PDE4B: variants seen among roughly 807,000 people sequenced by gnomAD.
PDE4B encodes the protein 3',5'-cyclic-AMP phosphodiesterase 4B.
PDE4B carries 20 observed loss-of-function variants against 82.2 expected under a neutral mutation model. The ratio of observed to expected loss-of-function variants is 0.24; its 90% CI spans 0.17 to 0.35. The LOEUF is 0.35. PDE4B is among the 10% of genes least tolerant of loss of function. The probability of loss-of-function intolerance (pLI) is 1.00; values close to 1 mark genes in which losing one functional copy is unlikely to be tolerated. For synonymous variants in PDE4B, 320 were observed against 318.9 expected, an observed-to-expected ratio of 1.00 and a Z score of -0.04; for missense variants, 655 against 907.2, an observed-to-expected ratio of 0.72 and a Z score of 3.57.
chr1:66,245,899 T>C (rs1444239558), intron 3 of PDE4B, among the ~76,000 whole-genome samples: 1 of 152,240 alleles, frequency 6.6e-6, no homozygotes, highest in Non-Finnish European at 1.5e-5. Flanking sequence ...CTTCTCCTCA[T>C]GTTTCAAGGA....
intron 7 of PDE4B, among the ~76,000 whole-genome samples, chr1:66,275,539 G>T (rs1655819310): frequency 6.6e-6 from 1 of 152,204 alleles, no homozygotes; most frequent in East Asian, 1.9e-4. Flanking sequence ...GATAAAAAAG[G>T]AGGTTGGAGT....
chr1:66,320,050 T>C (rs1253251504), intron 7 of PDE4B, among the ~76,000 whole-genome samples: 1 of 152,186 alleles, frequency 6.6e-6, no homozygotes, highest in Non-Finnish European at 1.5e-5. Context: ...CAAACAACAC[T>C]GAATGGTGTG....
chr1:65,879,307 A>G (rs552471779), intron 1 of PDE4B, among the ~76,000 whole-genome samples: 134 of 151,946 alleles, frequency 8.8e-4, no homozygotes, highest in African/African-American at 3.1e-3. Context: ...GGTATGTGCT[A>G]TTTTTTTTCT....
intron 7 of PDE4B, among the ~76,000 whole-genome samples, chr1:66,317,284 G>A (rs1014567428): frequency 6.6e-6 from 1 of 152,142 alleles, no homozygotes; most frequent in African/African-American, 2.4e-5. Context: ...ATCACCTCAA[G>A]AGCCTGTGAG....
chr1:66,247,614 C>T lies in PDE4B; in HGVS notation c.436C>T (p.Pro146Ser), dbSNP rs1226914667. 1.9e-6 allele frequency: 3 copies of T among 1,601,330 alleles called. No homozygotes were observed. The highest frequency in any genetic ancestry group is 2.6e-6 in the Non-Finnish European group (3 of 1,173,980). ...YRSDSDYDLS[P>S]KAMSRNSSLP... is the part of the protein sequence containing the mutation. ...ATCAGACAGCGACTATGACTTGTCA[C>T]CAAAGGCGATGTCGAGAAACTCTTC... The change falls in exon 4 of 17, where the codon CCA (proline) becomes TCA (serine). Residue 146 changes from proline to serine, a missense_variant. Pro to Ser is a moderately conservative substitution (Grantham distance 74, BLOSUM62 -1). Transcript: ENST00000341517.
chr1:66,152,494 G>A, intron 3 of PDE4B: 1 of 323,076 alleles, frequency 3.1e-6, no homozygotes, highest in South Asian at 2.6e-5. Context: ...TTGGAAGCCA[G>A]TATCAGTCAT....
At chr1:66,306,275 C>T (rs898551655) in intron 7 of PDE4B, among the ~76,000 whole-genome samples, 1 of 151,830 alleles carries the variant, frequency 6.6e-6, no homozygotes, top group African/African-American at 2.4e-5. Flanking sequence ...AACTTGTGGA[C>T]GTCTAAATAT....
intron 3 of PDE4B, among the ~76,000 whole-genome samples, chr1:65,960,620 TA>T (rs1649497855): frequency 1.3e-5 from 2 of 152,104 alleles, no homozygotes; most frequent in African/African-American, 4.8e-5. Flanking sequence ...TTATCCAGGC[TA>T]AAAATATATA....
At chr1:65,850,491 T>G (rs1309570976) in intron 1 of PDE4B, among the ~76,000 whole-genome samples, 1 of 152,198 alleles carries the variant, frequency 6.6e-6, no homozygotes, top group Non-Finnish European at 1.5e-5. Context: ...AATATCACTT[T>G]GTGGTTTTAA....
intron 3 of PDE4B, among the ~76,000 whole-genome samples, chr1:65,978,410 A>G (rs1241402180): frequency 6.9e-6 from 1 of 145,562 alleles, no homozygotes; most frequent in African/African-American, 2.5e-5. Flanking sequence ...ATTTACATCT[A>G]TGGATAAGGC....
intron 1 of PDE4B, among the ~76,000 whole-genome samples, chr1:65,827,549 C>T (rs957893464): frequency 2.0e-5 from 3 of 152,014 alleles, no homozygotes; most frequent in Non-Finnish European, 4.4e-5. Context: ...GGGAAAGAAT[C>T]ACTGAATTTG....
intron 3 of PDE4B, among the ~76,000 whole-genome samples, chr1:66,198,256 G>A (rs1648507514): frequency 6.6e-6 from 1 of 152,040 alleles, no homozygotes; most frequent in African/African-American, 2.4e-5. Flanking sequence ...ACTCTTCTGA[G>A]TGATTGCAAA....
At chr1:66,136,604 G>T (rs1403386599) in intron 3 of PDE4B, among the ~76,000 whole-genome samples, 1 of 149,384 alleles carries the variant, frequency 6.7e-6, no homozygotes, top group Non-Finnish European at 1.5e-5. Context: ...CAGCTACTCG[G>T]TAGGCTGGGG....
chr1:66,287,506 G>A (rs1314463942), intron 7 of PDE4B, among the ~76,000 whole-genome samples: 1 of 152,152 alleles, frequency 6.6e-6, no homozygotes, highest in Non-Finnish European at 1.5e-5. Flanking sequence ...TGAAACAGGA[G>A]GAATCACACC....
chr1:66,363,020 T>A lies in PDE4B; in HGVS notation c.1021-148T>A, dbSNP rs1570778444. On this transcript the variant is annotated intron_variant, in intron 10 of 16. Transcript: ENST00000341517. ...GAGGACACCCGACCTCCTAGGTCATTTAACTTTCAGATTTTCACACAACTA... is the reference window on the plus strand; with the variant it reads ...GAGGACACCCGACCTCCTAGGTCATATAACTTTCAGATTTTCACACAACTA... The A allele has an allele frequency of 1.2e-5, 7 of 579,190 alleles. No individual in the cohort carries two copies. The East Asian group carries it at 2.0e-4, about 16-fold the overall frequency. The allele number at this position is 579,190 out of a possible 1,614,324, so 35.9% of individuals were successfully genotyped here. A position where few individuals can be genotyped will look rare whatever the true frequency, so the allele number is the denominator to read the frequency against.
chr1:66,088,024 TA>T (rs1261602011), intron 3 of PDE4B, among the ~76,000 whole-genome samples: 2 of 151,626 alleles, frequency 1.3e-5, no homozygotes, highest in Non-Finnish European at 2.9e-5. Flanking sequence ...ATAATAATAA[TA>T]AAAATAAATA....
intron 3 of PDE4B, among the ~76,000 whole-genome samples, chr1:66,242,209 C>G (rs978912803): frequency 6.6e-6 from 1 of 152,170 alleles, no homozygotes; most frequent in African/African-American, 2.4e-5. Context: ...TCAAATGAAG[C>G]TTCACATTTT....
intron 7 of PDE4B, among the ~76,000 whole-genome samples, chr1:66,314,439 A>C (rs1032141138): frequency 6.6e-6 from 1 of 151,758 alleles, no homozygotes; most frequent in Non-Finnish European, 1.5e-5. Context: ...TGGAGATGGA[A>C]TCTCACTCTT....
At chr1:66,369,584 A>C (rs1663522113) in intron 16 of PDE4B, among the ~76,000 whole-genome samples, 1 of 152,250 alleles carries the variant, frequency 6.6e-6, no homozygotes, top group Non-Finnish European at 1.5e-5. Context: ...ATAGCTGCAG[A>C]ATATGCAGCA....
Sources: gnomAD v4.1 joint callset for allele counts (sites outside exome capture counted in the v4.1 genomes callset) on GRCh38, gnomAD v4.1.1 for gene constraint, MANE v1.5 for transcripts, NCBI Gene and HGNC (gene_info 2026-07-23, HGNC 2026-07-21) for gene names.